The following PPP2R2B variants were observed in gnomAD, a reference collection of about 807,000 sequenced individuals.
The protein encoded by PPP2R2B is protein phosphatase 2 regulatory subunit Bbeta.
PPP2R2B carries 5 observed loss-of-function variants against 46.0 expected under a neutral mutation model. The observed-to-expected ratio is 0.11, with a 90% CI of 0.06 to 0.23. The LOEUF is 0.23. Ranked by LOEUF, PPP2R2B falls within the 10% of genes least tolerant of loss-of-function variation. PPP2R2B has a pLI of 1.00. For missense variants in PPP2R2B, 367 were observed against 575.0 expected (o/e 0.64, Z 3.70); for synonymous variants, 215 against 206.7 (o/e 1.04, Z -0.34).
chr5:146,714,703 G>A (rs1780393798), intron 2 of PPP2R2B, among the ~76,000 whole-genome samples: 1 of 152,090 alleles, frequency 6.6e-6, no homozygotes, highest in African/African-American at 2.4e-5. Flanking sequence ...TTCATATAAG[G>A]TTTAACAGGA....
chr5:146,897,971 C>G (rs1407796757), intron 1 of PPP2R2B, among the ~76,000 whole-genome samples: 1 of 152,152 alleles, frequency 6.6e-6, no homozygotes, highest in Non-Finnish European at 1.5e-5. Flanking sequence ...AGGTGGATCA[C>G]CTGAGGAGTT....
intron 2 of PPP2R2B, among the ~76,000 whole-genome samples, chr5:146,783,558 A>T (rs963517305): frequency 6.6e-6 from 1 of 152,240 alleles, no homozygotes; most frequent in Non-Finnish European, 1.5e-5. Flanking sequence ...TTTTATAATC[A>T]GTTAAACATC....
At chr5:146,842,384 A>T (rs906832311) in intron 2 of PPP2R2B, among the ~76,000 whole-genome samples, 56 of 152,018 alleles carry the variant, frequency 3.7e-4, no homozygotes, top group Admixed American at 3.3e-4. Context: ...ACCACAGTCA[A>T]CTTGCTATTT....
chr5:146,593,468 A>G (rs997224901), intron 8 of PPP2R2B, among the ~76,000 whole-genome samples: 6 of 152,264 alleles, frequency 3.9e-5, no homozygotes, highest in Non-Finnish European at 7.3e-5. Flanking sequence ...CTTTTGACCC[A>G]GTGTCAGGTG....
chr5:146,881,065 G>A (rs1022015579), upstream of PPP2R2B, among the ~76,000 whole-genome samples: 1 of 151,920 alleles, frequency 6.6e-6, no homozygotes, highest in Non-Finnish European at 1.5e-5. Flanking sequence ...TGGGGGGCGG[G>A]GTGGGGGAGA....
At chr5:146,977,146 G>T (rs749796815) in intron 1 of PPP2R2B, among the ~76,000 whole-genome samples, 4 of 151,986 alleles carry the variant, frequency 2.6e-5, no homozygotes. Context: ...CCTTAAAAAT[G>T]GTCATCATTT....
At chr5:146,955,065 G>A (rs1199276434) in intron 1 of PPP2R2B, among the ~76,000 whole-genome samples, 1 of 152,098 alleles carries the variant, frequency 6.6e-6, no homozygotes, top group African/African-American at 2.4e-5. Context: ...ACTCAGTCAG[G>A]TTGAATTATT....
intron 1 of PPP2R2B, among the ~76,000 whole-genome samples, chr5:146,893,713 A>G (rs959158873): frequency 1.3e-5 from 2 of 152,072 alleles, no homozygotes; most frequent in African/African-American, 2.4e-5. Context: ...AGAGGCTGTC[A>G]GTGGGTGGGA....
chr5:146,590,085 C>T lies in PPP2R2B; in HGVS notation c.1194G>A (p.Lys398=). 1 of 1,614,140 alleles carries T rather than the reference C, an allele frequency of 6.2e-7. No homozygotes were observed. The highest frequency in any genetic ancestry group is 8.5e-7 in the Non-Finnish European group (1 of 1,180,032). ...CGACACTGATCTCGTCTTTTCTCCGCTTGCCCCCCACACACACTTTTCGGG... is the reference window on the plus strand; with the variant it reads ...CGACACTGATCTCGTCTTTTCTCCGTTTGCCCCCCACACACACTTTTCGGG... ...LKPRKVCVGG[K]RRKDEISVDS... is the part of the protein sequence containing the mutation. Residue 398 remains lysine (K), a synonymous_variant, in exon 10 of 10, where the codon AAG becomes AAA. Coordinates refer to ENST00000394411, the MANE Select transcript of PPP2R2B (RefSeq NM_181675.4).
intron 2 of PPP2R2B, among the ~76,000 whole-genome samples, chr5:147,062,229 G>A (rs1466616369): frequency 2.0e-5 from 3 of 152,170 alleles, no homozygotes; most frequent in Non-Finnish European, 4.4e-5. Flanking sequence ...TAGCCTAGGA[G>A]CAATAGGCTG....
In PPP2R2B at chr5:146,641,728, G is replaced by A. The variant is rs139494210; in HGVS notation, c.626-3313C>T. ...TTTCCCCTGCACAACTCTAAAGGGC[G>A]ATCCATGTTTTCAGCATATGTAATT... On this transcript the variant is annotated intron_variant, in intron 6 of 9. Coordinates refer to ENST00000394411, the MANE Select transcript of PPP2R2B (RefSeq NM_181675.4). Among the ~76,000 whole-genome samples the A allele has an allele frequency of 2.2e-4, 33 of 152,218 alleles. No individual in the cohort carries two copies. In the East Asian group the frequency reaches 3.9e-3, roughly 18 times the overall value.
chr5:146,588,523 C>T lies in PPP2R2B; in HGVS notation c.*1424G>A, dbSNP rs556106929. ...AGTTAGGAGAAATGAGTCATCAAGA[C>T]AGATGTAGAGATATTAACCCAGAAC... On this transcript the variant is annotated 3_prime_UTR_variant, in exon 10 of 10. Transcript: ENST00000394411. 1 of 152,294 alleles carries T rather than the reference C, an allele frequency of 6.6e-6. No homozygotes were observed. The highest frequency in any genetic ancestry group is 2.1e-4 in the South Asian group (1 of 4,832). The allele number at this position is 152,294 out of a possible 1,614,324, so 9.4% of individuals were successfully genotyped here.
chr5:147,055,785 C>T (rs762270186), exon 1 of PPP2R2B: 6 of 1,562,286 alleles, frequency 3.8e-6, no homozygotes, highest in Non-Finnish European at 5.2e-6. Context: ...AAAACAGTCT[C>T]CTGAATCCAT....
chr5:146,655,344 C>T (rs991697619), intron 5 of PPP2R2B, among the ~76,000 whole-genome samples: 8 of 152,296 alleles, frequency 5.3e-5, no homozygotes, highest in East Asian at 3.9e-4. Flanking sequence ...GCTCTTCCCC[C>T]CCAGAGAGTG....
At chr5:146,774,469 G>A (rs2151274256) in intron 2 of PPP2R2B, among the ~76,000 whole-genome samples, 1 of 152,028 alleles carries the variant, frequency 6.6e-6, no homozygotes, top group African/African-American at 2.4e-5. Context: ...ATAAAGTGGG[G>A]GGTTGTATAC....
At chr5:147,077,279 C>T (rs1442613240) in intron 2 of PPP2R2B, among the ~76,000 whole-genome samples, 51 of 57,142 alleles carry the variant, frequency 8.9e-4, no homozygotes, top group African/African-American at 1.2e-3. Context: ...TGTGTATACA[C>T]ACACACACAC....
At chr5:146,980,244 G>A (rs73310845) in intron 1 of PPP2R2B, among the ~76,000 whole-genome samples, 65 of 152,244 alleles carry the variant, frequency 4.3e-4, no homozygotes, top group African/African-American at 1.4e-3. Context: ...ACTAGATGTT[G>A]GGCATATACT....
intron 1 of PPP2R2B, among the ~76,000 whole-genome samples, chr5:146,972,706 C>A (rs1752715032): frequency 6.6e-6 from 1 of 151,890 alleles, no homozygotes; most frequent in African/African-American, 2.4e-5. Flanking sequence ...AGTAAGACTC[C>A]ATCTCAAAAA....
chr5:146,749,213 A>G (rs983999945), intron 2 of PPP2R2B, among the ~76,000 whole-genome samples: 8 of 152,154 alleles, frequency 5.3e-5, no homozygotes, highest in Non-Finnish European at 1.2e-4. Flanking sequence ...CTTTGGTGAA[A>G]TATCTCAGGT....
Sources: gnomAD v4.1 joint callset for allele counts (sites outside exome capture counted in the v4.1 genomes callset) on GRCh38, gnomAD v4.1.1 for gene constraint, MANE v1.5 for transcripts, NCBI Gene and HGNC (gene_info 2026-07-23, HGNC 2026-07-21) for gene names.